The following ACOT11 variants were observed in gnomAD, a reference collection of about 807,000 sequenced individuals.
The protein encoded by ACOT11 is acyl-coenzyme A thioesterase 11.
A neutral mutation model predicts 77.5 loss-of-function variants in ACOT11; 69 were observed. That is an observed-to-expected ratio of 0.89 (90% confidence interval 0.73 to 1.09). The LOEUF is 1.09. Among genes scored for constraint, ACOT11 ranks in the 50% least tolerant of loss-of-function variants. ACOT11 has a pLI of 0.00. For missense variants in ACOT11, 766 were observed against 813.7 expected, an observed-to-expected ratio of 0.94 and a Z score of 0.71; for synonymous variants, 279 against 313.0, an observed-to-expected ratio of 0.89 and a Z score of 1.15.
intron 1 of ACOT11, among the ~76,000 whole-genome samples, chr1:54,565,328 A>G (rs1447630401): frequency 6.6e-6 from 1 of 152,216 alleles, no homozygotes; most frequent in Admixed American, 6.5e-5. Flanking sequence ...CTATAGGCTC[A>G]TATCATGCAG....
chr1:54,599,392 C>T lies in ACOT11; in HGVS notation c.861C>T (p.Ile287=), dbSNP rs752481803. The T allele has an allele frequency of 3.7e-5, 59 of 1,606,346 alleles. No homozygotes were observed. In the South Asian group the frequency reaches 4.5e-4, roughly 12 times the overall value. The change falls in exon 8 of 16, where the codon ATC becomes ATT. Residue 287 remains isoleucine, a synonymous_variant. Transcript: ENST00000343744. ...QVGDRLVLKA[I]VNNAFKHSME... is the part of the protein sequence containing the mutation. Reference sequence around the variant, plus strand: ...GCGACCGTCTGGTGCTCAAAGCCATCGTGAACAATGCCTTCAAACATAGGT... The same window carrying T: ...GCGACCGTCTGGTGCTCAAAGCCATTGTGAACAATGCCTTCAAACATAGGT...
chr1:54,601,897 C>T (rs1384085896), intron 9 of ACOT11, among the ~76,000 whole-genome samples: 1 of 152,246 alleles, frequency 6.6e-6, no homozygotes, highest in Non-Finnish European at 1.5e-5. Context: ...ACGCAAGGGG[C>T]ACGGGAAGAC....
At chr1:54,615,072 TAG>T (rs71712879), downstream of ACOT11, among the ~76,000 whole-genome samples, 37,268 of 151,992 alleles carry the variant, frequency 0.25, 5,224 homozygotes, top group East Asian at 0.35. Context: ...GGCCTGCCTC[TAG>T]AGGAGTTCCC....
intron 12 of ACOT11, among the ~76,000 whole-genome samples, chr1:54,604,719 A>G (rs1644004539): frequency 6.6e-6 from 1 of 151,956 alleles, no homozygotes; most frequent in Non-Finnish European, 1.5e-5. Flanking sequence ...TGCAGTGATC[A>G]CTGCAGGGAT....
downstream of ACOT11, chr1:54,614,827 C>T (rs757193509): frequency 1.2e-6 from 2 of 1,614,150 alleles, no homozygotes; most frequent in Non-Finnish European, 1.7e-6. Flanking sequence ...GAGGGGCCCA[C>T]TGCCTTGATG....
rs762018572 is a variant in ACOT11, at chr1:54,609,713, TGCAAGAGGCCAAG to T, written c.*604_*616del. The T allele has an allele frequency of 1.2e-6, 2 of 1,614,060 alleles. No homozygotes were observed. The highest frequency in any genetic ancestry group is 8.5e-7 in the Non-Finnish European group (1 of 1,179,992). ...TTTGGCCCCAACCCACACAGGCCAATGCAAGAGGCCAAGGCTGGAGAGGCGTGCCAGCAAGGCC... is the reference window on the plus strand; with the variant it reads ...TTTGGCCCCAACCCACACAGGCCAATGCTGGAGAGGCGTGCCAGCAAGGCC... On this transcript the variant is annotated 3_prime_UTR_variant, in exon 16 of 16. Transcript: ENST00000343744.
chr1:54,553,694 C>G (rs1048332244), intron 1 of ACOT11, among the ~76,000 whole-genome samples: 1 of 152,006 alleles, frequency 6.6e-6, no homozygotes, highest in Non-Finnish European at 1.5e-5. Context: ...TATAATAGAT[C>G]TCTTGAAATT....
chr1:54,593,840 C>T, intron 4 of ACOT11, 101 bp from the exon 5 acceptor site: 1 of 983,440 alleles, frequency 1.0e-6, no homozygotes. Flanking sequence ...CTCTGGAGGC[C>T]TGGCCTGGGC....
chr1:54,550,583 G>A (rs1301238479), intron 1 of ACOT11, among the ~76,000 whole-genome samples: 2 of 152,052 alleles, frequency 1.3e-5, no homozygotes, highest in South Asian at 4.2e-4. Context: ...GGAGGCTGAG[G>A]CAGGTGAATT....
intron 1 of ACOT11, among the ~76,000 whole-genome samples, chr1:54,571,502 G>A (rs1653930701): frequency 6.6e-6 from 1 of 152,180 alleles, no homozygotes; most frequent in African/African-American, 2.4e-5. Flanking sequence ...GCCTCTGCCA[G>A]AGACTAGATT....
chr1:54,569,457 G>A (rs1368370379), intron 1 of ACOT11, among the ~76,000 whole-genome samples: 1 of 152,096 alleles, frequency 6.6e-6, no homozygotes, highest in Non-Finnish European at 1.5e-5. Context: ...CTGTCCCTCC[G>A]ACGGCCTGGT....
At chr1:54,564,668 T>C (rs1200208355) in intron 1 of ACOT11, among the ~76,000 whole-genome samples, 1 of 152,322 alleles carries the variant, frequency 6.6e-6, no homozygotes, top group East Asian at 1.9e-4. Context: ...TTCCTCTTTT[T>C]CTTCTCCAGG....
Position 54,571,954 on chromosome 1 carries a change from C to T in ACOT11, c.34-12701C>T, listed in dbSNP as rs114092182. Among the ~76,000 whole-genome samples the T allele has an allele frequency of 6.9e-3, 1,056 of 152,122 alleles. 11 individuals carry two copies. Among genetic ancestry groups the T allele is most frequent in the African/African-American group, 0.024 (1,001 of 41,506 alleles). ...AGGGCCCGCAGGACCCTGGAGCAGC[C>T]GCTGGGGCCTTGAAGGGGCCCACTG... On this transcript the variant is annotated intron_variant, in intron 1 of 15. Transcript: ENST00000343744.
chr1:54,551,302 G>C (rs188572555), intron 1 of ACOT11, among the ~76,000 whole-genome samples: 2 of 152,162 alleles, frequency 1.3e-5, no homozygotes, highest in South Asian at 4.1e-4. Context: ...ACTGTAGACA[G>C]AGTCAGCATT....
At position 54,605,172 on chromosome 1, in the gene ACOT11, G is replaced by T; in HGVS notation, c.1333G>T (p.Asp445Tyr). ...AGCCCAGGCCTTCCTGCTGCTCTCG[G>T]ACCTGCGTCAGAGGCCAGAGTGGGA... ...DAAQAFLLLS[D>Y]LRQRPEWDKH... The change falls in exon 13 of 16, where the codon GAC becomes TAC. Residue 445 changes from aspartate to tyrosine, a missense_variant. Transcript: ENST00000343744. The T allele has an allele frequency of 6.2e-7, 1 of 1,613,788 alleles. No homozygotes were observed.
exon 17 of ACOT11, chr1:54,635,610 G>T: frequency 5.0e-6 from 1 of 199,806 alleles, no homozygotes; most frequent in Non-Finnish European, 1.0e-5. Flanking sequence ...GTGCTTAAAG[G>T]AGCTGCAGAA....
chr1:54,608,066 A>ACGC lies in ACOT11; in HGVS notation c.1627_1628insCGC (p.Lys543delinsThrGln), dbSNP rs750869571. 1 of 1,609,292 alleles carries ACGC rather than the reference A, an allele frequency of 6.2e-7. No homozygotes were observed. Among genetic ancestry groups the ACGC allele is most frequent in the South Asian group, 1.1e-5 (1 of 90,824 alleles). ...CTGGCGCGAGGGGGACCAGCTGACC[A>ACGC]AGGTGAGGCCGGTCCCCCCAACCAC... On this transcript the variant is annotated protein_altering_variant and splice_region_variant, in exon 15 of 16. Coordinates refer to ENST00000343744, the MANE Select transcript of ACOT11 (RefSeq NM_147161.4).
chr1:54,569,330 C>G (rs1030833810), intron 1 of ACOT11, among the ~76,000 whole-genome samples: 1 of 152,060 alleles, frequency 6.6e-6, no homozygotes, highest in African/African-American at 2.4e-5. Context: ...CTTGTCCACC[C>G]CTTTGGGGTC....
chr1:54,594,804 A>C (rs573234491), intron 6 of ACOT11, 113 bp downstream of exon 6: 1 of 1,433,820 alleles, frequency 7.0e-7, no homozygotes, highest in African/African-American at 1.4e-5. Flanking sequence ...ACTTCCACCC[A>C]CTGGTGGCCC....
Sources: gnomAD v4.1 joint callset for allele counts (sites outside exome capture counted in the v4.1 genomes callset) on GRCh38, gnomAD v4.1.1 for gene constraint, MANE v1.5 for transcripts, NCBI Gene and HGNC (gene_info 2026-07-23, HGNC 2026-07-21) for gene names.